The following SCHIP1 variants were observed in gnomAD, a reference collection of about 807,000 sequenced individuals.
SCHIP1 encodes schwannomin interacting protein 1, also known as schwannomin-interacting protein 1.
A neutral mutation model predicts 29.7 loss-of-function variants in SCHIP1; 8 were observed. The observed-to-expected ratio is 0.27, with a 90% CI of 0.16 to 0.49. The LOEUF (loss-of-function observed/expected upper bound fraction) is 0.49, where lower values mean the gene tolerates loss of function less well. Among genes scored for constraint, SCHIP1 ranks in the 20% least tolerant of loss-of-function variants. The pLI is 0.99. For synonymous variants in SCHIP1, 76 were observed against 94.9 expected (o/e 0.80, Z 1.16); for missense variants, 193 against 294.6 (o/e 0.66, Z 2.52).
chr3:159,310,487 G>T, the SCHIP1 span, among the ~76,000 whole-genome samples: 1 of 152,088 alleles, frequency 6.6e-6, no homozygotes, highest in Admixed American at 6.6e-5. Flanking sequence ...CCAGAGGAAG[G>T]CTGGCAAAAA....
At chr3:159,722,120 C>T in the SCHIP1 span, 1 of 298,770 alleles carries the variant, frequency 3.3e-6, no homozygotes, top group Non-Finnish European at 6.5e-6. Flanking sequence ...TTATCTTTGT[C>T]CCTTTTGTTT....
At chr3:159,468,731 TA>T in the SCHIP1 span, among the ~76,000 whole-genome samples, 54 of 143,514 alleles carry the variant, frequency 3.8e-4, no homozygotes, top group Middle Eastern at 3.6e-3. Flanking sequence ...TATATATATA[TA>T]ATATAATATA....
chr3:159,332,710 T>C, the SCHIP1 span, among the ~76,000 whole-genome samples: 10,413 of 152,176 alleles, frequency 0.068, 553 homozygotes, highest in Non-Finnish European at 0.098. Flanking sequence ...ATCTAAGCTG[T>C]GGAATTTCAA....
chr3:159,337,190 T>C, the SCHIP1 span, among the ~76,000 whole-genome samples: 3 of 152,036 alleles, frequency 2.0e-5, no homozygotes, highest in Non-Finnish European at 4.4e-5. Flanking sequence ...ATTGATGGGA[T>C]GTATCTCAAA....
chr3:159,284,014 T>C, the SCHIP1 span, among the ~76,000 whole-genome samples: 2 of 152,172 alleles, frequency 1.3e-5, no homozygotes, highest in African/African-American at 4.8e-5. Flanking sequence ...GAAATTCACC[T>C]GTAGTTTGTA....
the SCHIP1 span, among the ~76,000 whole-genome samples, chr3:159,671,065 A>G: frequency 6.6e-6 from 1 of 152,134 alleles, no homozygotes; most frequent in Non-Finnish European, 1.5e-5. Flanking sequence ...TCACATACCC[A>G]TGGACCTGGC....
At chr3:159,609,255 G>T in the SCHIP1 span, among the ~76,000 whole-genome samples, 1 of 152,106 alleles carries the variant, frequency 6.6e-6, no homozygotes, top group East Asian at 1.9e-4. Flanking sequence ...TAGGTGGGTA[G>T]GGGGGAAGCA....
the SCHIP1 span, among the ~76,000 whole-genome samples, chr3:159,291,085 C>G: frequency 6.6e-6 from 1 of 151,946 alleles, no homozygotes; most frequent in Non-Finnish European, 1.5e-5. Context: ...CTTAGAGGAG[C>G]GGCTGATTCC....
the SCHIP1 span, among the ~76,000 whole-genome samples, chr3:159,833,345 T>A: frequency 6.6e-6 from 1 of 152,110 alleles, no homozygotes; most frequent in African/African-American, 2.4e-5. Flanking sequence ...GGCCTCTTCT[T>A]CCATCTTCAA....
the SCHIP1 span, among the ~76,000 whole-genome samples, chr3:159,334,903 T>C: frequency 2.0e-5 from 3 of 148,778 alleles, no homozygotes; most frequent in East Asian, 2.0e-4. Context: ...TCTTCTTCTT[T>C]TTTTTTTTTA....
chr3:159,598,461 C>T, the SCHIP1 span, among the ~76,000 whole-genome samples: 1 of 152,174 alleles, frequency 6.6e-6, no homozygotes, highest in African/African-American at 2.4e-5. Flanking sequence ...GCTATTGGCT[C>T]CATGCATATC....
intron 5 of SCHIP1, among the ~76,000 whole-genome samples, chr3:159,890,094 CAA>C (rs796442726): frequency 1.0e-4 from 11 of 109,432 alleles, no homozygotes; most frequent in Admixed American, 2.9e-4. Flanking sequence ...GACACCATCT[CAA>C]AAAAAAAAAA....
At chr3:159,445,310 A>G in the SCHIP1 span, among the ~76,000 whole-genome samples, 1 of 151,888 alleles carries the variant, frequency 6.6e-6, no homozygotes, top group Non-Finnish European at 1.5e-5. Context: ...AGAAATGCAA[A>G]TCAAAACCAC....
At chr3:159,799,315 C>T in the SCHIP1 span, among the ~76,000 whole-genome samples, 2 of 152,318 alleles carry the variant, frequency 1.3e-5, no homozygotes, top group South Asian at 2.1e-4. Context: ...TTCAGGGTCC[C>T]CAGACTTGCA....
At chr3:159,402,486 A>G in the SCHIP1 span, among the ~76,000 whole-genome samples, 3 of 152,190 alleles carry the variant, frequency 2.0e-5, no homozygotes, top group Non-Finnish European at 4.4e-5. Flanking sequence ...GCACACATAT[A>G]TTTATTGTGG....
the SCHIP1 span, among the ~76,000 whole-genome samples, chr3:159,642,805 A>G: frequency 3.3e-5 from 5 of 152,224 alleles, no homozygotes; most frequent in African/African-American, 7.2e-5. Flanking sequence ...TGCTTGCCAG[A>G]TAGGAGAGAC....
At chr3:159,280,654 A>G in the SCHIP1 span, among the ~76,000 whole-genome samples, 3 of 152,348 alleles carry the variant, frequency 2.0e-5, no homozygotes, top group African/African-American at 7.2e-5. Context: ...GGGGGAAAAT[A>G]AAGAGTGGAA....
the SCHIP1 span, among the ~76,000 whole-genome samples, chr3:159,298,624 T>A: frequency 6.6e-6 from 1 of 152,160 alleles, no homozygotes; most frequent in African/African-American, 2.4e-5. Context: ...CCTGCAGAGC[T>A]CTCAGTCCTA....
chr3:159,699,479 A>G, the SCHIP1 span, among the ~76,000 whole-genome samples: 2 of 152,194 alleles, frequency 1.3e-5, no homozygotes, highest in Non-Finnish European at 2.9e-5. Flanking sequence ...TGTTGAGTGA[A>G]GTCATCTGGG....
Sources: allele counts gnomAD v4.1 joint callset (sites outside exome capture counted in the v4.1 genomes callset), GRCh38; gene constraint gnomAD v4.1.1; transcripts MANE v1.5; gene names NCBI Gene and HGNC (gene_info 2026-07-23, HGNC 2026-07-21).